The following ALOX12 variants were observed in gnomAD, a reference collection of about 807,000 sequenced individuals.
The protein encoded by ALOX12 is arachidonate 12-lipoxygenase, 12S type, also known as polyunsaturated fatty acid lipoxygenase ALOX12.
A neutral mutation model predicts 85.5 loss-of-function variants in ALOX12; 62 were observed. That is an observed-to-expected ratio of 0.73 (90% CI 0.59 to 0.90). The LOEUF (loss-of-function observed/expected upper bound fraction) is 0.90, where lower values mean the gene tolerates loss of function less well. Ranked by LOEUF, ALOX12 falls within the 40% of genes least tolerant of loss-of-function variation. The pLI, the probability that ALOX12 is intolerant of heterozygous loss-of-function variation, is 0.00. For synonymous variants in ALOX12, 299 were observed against 332.7 expected (o/e 0.90, Z 1.10); for missense variants, 751 against 856.5 (o/e 0.88, Z 1.54).
rs1188208191 is a variant in ALOX12 at position 6,999,230 on chromosome 17, G to T, written c.647-76G>T. 3.1e-6 allele frequency: 5 copies of T among 1,592,382 alleles called. No homozygotes were observed. In the Admixed American group the frequency reaches 8.5e-5, roughly 27 times the overall value. Reference sequence around the variant, plus strand: ...TGGGTTCAGGGAGGGTTATATACCTGAACCCCTGGGGTAGATTTTGGAGAA... The same window carrying T: ...TGGGTTCAGGGAGGGTTATATACCTTAACCCCTGGGGTAGATTTTGGAGAA... On this transcript the variant is annotated intron_variant, in intron 5 of 13. Transcript: ENST00000251535.
chr17:6,999,757 C>G (rs991753235), intron 6 of ALOX12, among the ~76,000 whole-genome samples: 1 of 152,028 alleles, frequency 6.6e-6, no homozygotes, highest in Non-Finnish European at 1.5e-5. Flanking sequence ...TGTTCATGGG[C>G]AGGGAGAAAA....
In ALOX12 at chr17:6,996,087, G is replaced by T; in HGVS notation, c.-31G>T. ...GGTCCCGGGAATCGCACAGGACCCG[G>T]CTCCCCTCGCCTAAGCTGCTGGGGG... On this transcript the variant is annotated 5_prime_UTR_variant, in exon 1 of 14. Transcript: ENST00000251535. 8.0e-7 allele frequency: 1 copy of T among 1,243,292 alleles called. No homozygotes were observed. The allele number at this position is 1,243,292 out of a possible 1,614,324, so 77.0% of individuals were successfully genotyped here.
In ALOX12 at chr17:6,999,005, T is replaced by C; in HGVS notation, c.595T>C (p.Cys199Arg). The C allele has an allele frequency of 6.2e-7, 1 of 1,614,174 alleles. No homozygotes were observed. Among genetic ancestry groups the C allele is most frequent in the Non-Finnish European group, 8.5e-7 (1 of 1,180,044 alleles). ...RVYTLLSSWN[C>R]LEDFDQIFWG... ...TTACACCCTCCTGAGCTCCTGGAAC[T>C]GCCTAGAAGACTTTGATCAGATCTT... The change falls in exon 5 of 14, where the codon TGC becomes CGC. Residue 199 changes from cysteine (C) to arginine (R), a missense_variant. Transcript: ENST00000251535.
rs1908675552 is a variant in ALOX12, at chr17:7,000,925, T to C, written c.951+446T>C. The stretch of plus-strand genomic sequence containing the variant: ...GGCCTCTGGCTCTGAACCCTCGCCA[T>C]CTCTTGAATATCTTTTCTCGCAATT... On this transcript the variant is annotated intron_variant, in intron 7 of 13. Coordinates refer to ENST00000251535, the MANE Select transcript of ALOX12 (RefSeq NM_000697.3). This position sits in a 1 kb window ranked among gnomAD's most constrained non-coding sequence, Gnocchi z 4.6. 6.6e-6 allele frequency among the ~76,000 whole-genome samples: 1 copy of C among 150,766 alleles called. No homozygotes were observed. Among genetic ancestry groups the C allele is most frequent in the African/African-American group, 2.4e-5 (1 of 40,924 alleles).
chr17:7,009,479 C>A, intron 11 of ALOX12: 2 of 409,762 alleles, frequency 4.9e-6, no homozygotes, highest in South Asian at 3.5e-5. Flanking sequence ...TATTACAGAC[C>A]AGGTGATTTT....
At position 6,996,894 on chromosome 17, in the gene ALOX12, C is replaced by T; in HGVS notation, c.204C>T (p.His68=). The T allele has an allele frequency of 1.9e-6, 3 of 1,613,994 alleles. No homozygotes were observed. Among genetic ancestry groups the T allele is most frequent in the South Asian group, 1.1e-5 (1 of 91,056 alleles). The change falls in exon 2 of 14, where the codon CAC becomes CAT. Residue 68 remains histidine (H), a synonymous_variant. Transcript: ENST00000251535. ...GLLQFVRLRK[H]HWLVDDAWFC... ...TGCAGTTCGTGAGGCTGCGCAAGCA[C>T]CACTGGCTGGTGGACGACGCGTGGT... is the stretch of plus-strand genomic sequence containing the variant.
chr17:7,005,665 G>A (rs1161583474), intron 9 of ALOX12, among the ~76,000 whole-genome samples, 193 bp from the exon 10 acceptor site: 1 of 151,768 alleles, frequency 6.6e-6, no homozygotes, highest in East Asian at 1.9e-4. Context: ...ATTTTTAGTA[G>A]AGATGGGGTT....
intron 11 of ALOX12, among the ~76,000 whole-genome samples, chr17:7,008,861 T>A (rs1384357049): frequency 6.6e-6 from 1 of 152,228 alleles, no homozygotes; most frequent in East Asian, 1.9e-4. Flanking sequence ...ATCCATGACT[T>A]ATTCCCCACA....
rs1358767483 is a variant in ALOX12 at position 6,996,178 on chromosome 17, C to A, written c.61C>A (p.Arg21Ser). ...CTGGCTCTTCTCCGGGTCGTACAACCGCGTGCAGCTTTGGCTGGTCGGGAC... is the reference window on the plus strand; with the variant it reads ...CTGGCTCTTCTCCGGGTCGTACAACAGCGTGCAGCTTTGGCTGGTCGGGAC... Reference protein sequence around the residue: ...GAWLFSGSYNRVQLWLVGTRG... With the variant: ...GAWLFSGSYNSVQLWLVGTRG... The change falls in exon 1 of 14, where the codon CGC becomes AGC. Residue 21 changes from arginine to serine, a missense_variant. Physicochemically the swap from Arg to Ser is moderately radical, Grantham distance 110. Coordinates refer to ENST00000251535, the MANE Select transcript of ALOX12 (RefSeq NM_000697.3). 8 of 1,253,488 alleles carry A rather than the reference C, an allele frequency of 6.4e-6. No individual in the cohort carries two copies. The South Asian group carries it at 2.3e-4, about 36-fold the overall frequency. The allele number at this position is 1,253,488 out of a possible 1,614,324, so 77.6% of individuals were successfully genotyped here.
chr17:7,001,304 C>A, intron 7 of ALOX12: 1 of 416,866 alleles, frequency 2.4e-6, no homozygotes, highest in Non-Finnish European at 4.4e-6. Context: ...AATCTTACAC[C>A]TCCTACTTCT....
chr17:6,998,048 A>T (rs1468177833), intron 2 of ALOX12, among the ~76,000 whole-genome samples: 1 of 152,198 alleles, frequency 6.6e-6, no homozygotes, highest in Non-Finnish European at 1.5e-5. Flanking sequence ...GTTTAAAAAA[A>T]AAAAAGCAAA....
At chr17:6,999,271 T>C (rs775421758) in intron 5 of ALOX12, 35 bp from the exon 6 acceptor site, 119 of 1,613,634 alleles carry the variant, frequency 7.4e-5, no homozygotes, top group Non-Finnish European at 8.1e-5. Flanking sequence ...ATGCAGGCTG[T>C]GGTACATATA....
rs1158133519 is a variant in ALOX12 at position 7,000,220 on chromosome 17, T to G, written c.808-116T>G. 1 of 1,267,100 alleles carries G rather than the reference T, an allele frequency of 7.9e-7. No individual in the cohort carries two copies. Among genetic ancestry groups the G allele is most frequent in the Non-Finnish European group, 1.1e-6 (1 of 896,950 alleles). 78.5% of individuals were successfully genotyped at this position (1,267,100 alleles called of 1,614,324 possible). Reference sequence around the variant, plus strand: ...GGGGCTCTAGTTCTCCCAACAGGGCTCCGGTACTGATGCAGGAGAATGGCA... The same window carrying G: ...GGGGCTCTAGTTCTCCCAACAGGGCGCCGGTACTGATGCAGGAGAATGGCA... On this transcript the variant is annotated intron_variant, in intron 6 of 13. Coordinates refer to ENST00000251535, the MANE Select transcript of ALOX12 (RefSeq NM_000697.3). This position sits in a 1 kb window ranked among gnomAD's most constrained non-coding sequence, Gnocchi z 4.6.
intron 7 of ALOX12, 124 bp from the exon 8 acceptor site, chr17:7,001,478 T>G: frequency 9.6e-7 from 1 of 1,038,488 alleles, no homozygotes; most frequent in Non-Finnish European, 1.4e-6. Flanking sequence ...GGGTTCACAG[T>G]CCTCCTGCTA....
At chr17:6,999,208 G>A (rs1005204479) in intron 5 of ALOX12, 98 bp from the exon 6 acceptor site, 60 of 1,546,040 alleles carry the variant, frequency 3.9e-5, no homozygotes, top group Non-Finnish European at 5.3e-5. Context: ...CAGAAGCTGG[G>A]TTCAGGGAGG....
intron 1 of ALOX12, 42 bp from the exon 2 acceptor site, chr17:6,996,784 G>C: frequency 1.3e-6 from 2 of 1,570,638 alleles, no homozygotes; most frequent in South Asian, 1.1e-5. Flanking sequence ...GGCCTCAGTC[G>C]GGTCCCTCCT....
intron 6 of ALOX12, among the ~76,000 whole-genome samples, chr17:6,999,884 T>A (rs1437656001): frequency 1.3e-5 from 2 of 152,130 alleles, no homozygotes; most frequent in African/African-American, 4.8e-5. Flanking sequence ...TGCGTATGCA[T>A]GTGTGTGCTG....
rs1908568684 is a variant in ALOX12 at position 6,998,765 on chromosome 17, A to G, written c.470A>G (p.Lys157Arg). Residue 157 changes from lysine to arginine, a missense_variant, in exon 4 of 14, where the codon AAG becomes AGG. Transcript: ENST00000251535. ...GLPLTIAADR[K>R]DDLPPNMRFH... ...CCCCTGACCATCGCTGCAGACCGTA[A>G]GGATGATCTACCTCCAAATATGAGA... 4 of 1,614,080 alleles carry G rather than the reference A, an allele frequency of 2.5e-6. No individual in the cohort carries two copies. Among genetic ancestry groups the G allele is most frequent in the Non-Finnish European group, 3.4e-6 (4 of 1,180,034 alleles).
intron 4 of ALOX12, 43 bp downstream of exon 4, chr17:6,998,880 G>A (rs372802765): frequency 2.5e-6 from 4 of 1,614,074 alleles, no homozygotes; most frequent in Non-Finnish European, 2.5e-6. Flanking sequence ...AGGGCTGGGA[G>A]GGCCAAGAAT....
Sources: allele counts gnomAD v4.1 joint callset (sites outside exome capture counted in the v4.1 genomes callset), GRCh38; gene constraint gnomAD v4.1.1; non-coding constraint Gnocchi (gnomAD v3.1); transcripts MANE v1.5; gene names NCBI Gene and HGNC (gene_info 2026-07-23, HGNC 2026-07-21).